TMEM163: variants seen among roughly 807,000 people sequenced by gnomAD.
TMEM163 encodes transmembrane protein 163.
Under a neutral mutation model 29.3 loss-of-function variants are expected in TMEM163, and 17 were observed. The ratio of observed to expected loss-of-function variants is 0.58; its 90% confidence interval spans 0.40 to 0.87. TMEM163 has a LOEUF of 0.87. TMEM163 is among the 40% of genes least tolerant of loss of function. TMEM163 has a pLI of 0.00. For synonymous variants in TMEM163, 157 were observed against 160.6 expected (o/e 0.98, Z 0.17); for missense variants, 303 against 381.5 (o/e 0.79, Z 1.71).
intron 2 of TMEM163, among the ~76,000 whole-genome samples, chr2:134,662,629 A>G (rs1683781344): frequency 6.6e-6 from 1 of 152,130 alleles, no homozygotes; most frequent in African/African-American, 2.4e-5. Flanking sequence ...CTCTCCTTTT[A>G]TCTTTCTCCT....
rs377086139 is a variant in TMEM163, at chr2:134,502,860, C to A, written c.555+41G>T. 186 of 1,584,372 alleles carry A rather than the reference C, an allele frequency of 1.2e-4. 2 individuals are homozygous for A. The South Asian group carries it at 1.9e-3, about 16-fold the overall frequency. On this transcript the variant is annotated intron_variant, in intron 5 of 7. Transcript: ENST00000281924. ...GATAAGAGGCAGCCCAGGGGGCCAGCGCTGGCAGGAAGGATTGTTAAGGAA... is the reference window on the plus strand; with the variant it reads ...GATAAGAGGCAGCCCAGGGGGCCAGAGCTGGCAGGAAGGATTGTTAAGGAA...
chr2:134,570,775 T>C (rs1681403929), intron 2 of TMEM163, among the ~76,000 whole-genome samples: 1 of 152,152 alleles, frequency 6.6e-6, no homozygotes, highest in African/African-American at 2.4e-5. Context: ...CCTGATACTG[T>C]AAGGGCTAGG....
chr2:134,488,307 G>A (rs1026062611), intron 5 of TMEM163, among the ~76,000 whole-genome samples: 2 of 152,204 alleles, frequency 1.3e-5, no homozygotes, highest in Non-Finnish European at 2.9e-5. Context: ...TAACTTTTGA[G>A]TCAGTGGACT....
chr2:134,623,128 A>G (rs1682777335), intron 2 of TMEM163, among the ~76,000 whole-genome samples: 1 of 152,186 alleles, frequency 6.6e-6, no homozygotes, highest in Admixed American at 6.5e-5. Flanking sequence ...CTTCCCTCCC[A>G]TGCTATTTTC....
At chr2:134,586,862 T>A (rs879460928) in intron 2 of TMEM163, among the ~76,000 whole-genome samples, 1 of 152,154 alleles carries the variant, frequency 6.6e-6, no homozygotes, top group Non-Finnish European at 1.5e-5. Context: ...AAGTCAAGCA[T>A]CACCTATATT....
intron 2 of TMEM163, among the ~76,000 whole-genome samples, chr2:134,675,128 A>G (rs1684087699): frequency 6.6e-6 from 1 of 152,216 alleles, no homozygotes; most frequent in African/African-American, 2.4e-5. Context: ...ATTGAATTTT[A>G]CAATATGTAT....
chr2:134,673,619 C>T (rs764492268), intron 2 of TMEM163, among the ~76,000 whole-genome samples: 3 of 152,124 alleles, frequency 2.0e-5, no homozygotes, highest in Non-Finnish European at 4.4e-5. Context: ...TCACAGGGAC[C>T]TTATAAGGGA....
intron 2 of TMEM163, among the ~76,000 whole-genome samples, chr2:134,641,801 T>C (rs1574302373): frequency 1.3e-5 from 2 of 152,182 alleles, no homozygotes; most frequent in East Asian, 1.9e-4. Flanking sequence ...AAGGATTGCA[T>C]TTTTCAAACA....
chr2:134,639,962 T>C (rs960857889), intron 2 of TMEM163, among the ~76,000 whole-genome samples: 1 of 152,176 alleles, frequency 6.6e-6, no homozygotes, highest in African/African-American at 2.4e-5. Context: ...CAATGAGCAC[T>C]TACAATTCAA....
chr2:134,716,189 T>C (rs1685034128), intron 1 of TMEM163, among the ~76,000 whole-genome samples: 1 of 152,164 alleles, frequency 6.6e-6, no homozygotes, highest in African/African-American at 2.4e-5. Context: ...GGAAAATACT[T>C]GTAGGGAGAA....
intron 2 of TMEM163, among the ~76,000 whole-genome samples, chr2:134,708,196 C>A (rs1367058336): frequency 2.0e-5 from 3 of 152,144 alleles, no homozygotes; most frequent in Non-Finnish European, 2.9e-5. Context: ...CAAGGCCAGA[C>A]CTTTAAGGCC....
chr2:134,573,233 T>C (rs1323333679), intron 2 of TMEM163, among the ~76,000 whole-genome samples: 1 of 152,226 alleles, frequency 6.6e-6, no homozygotes, highest in Non-Finnish European at 1.5e-5. Flanking sequence ...CAGATTCTCA[T>C]TGTGCATCAT....
intron 5 of TMEM163, among the ~76,000 whole-genome samples, chr2:134,498,348 T>C (rs893941152): frequency 6.8e-6 from 1 of 146,540 alleles, no homozygotes; most frequent in Non-Finnish European, 1.5e-5. Flanking sequence ...TGCACTTGCA[T>C]GTGGGCTTTT....
At chr2:134,626,278 T>C (rs974795720) in intron 2 of TMEM163, among the ~76,000 whole-genome samples, 2 of 151,988 alleles carry the variant, frequency 1.3e-5, no homozygotes, top group African/African-American at 4.8e-5. Flanking sequence ...CTAATTTTTG[T>C]ATTTTTAGTA....
intron 2 of TMEM163, among the ~76,000 whole-genome samples, chr2:134,575,073 C>T (rs760551004): frequency 5.3e-5 from 8 of 151,908 alleles, no homozygotes; most frequent in Non-Finnish European, 8.8e-5. Flanking sequence ...GACCATGTGG[C>T]GGTCCTGAGC....
intron 2 of TMEM163, among the ~76,000 whole-genome samples, chr2:134,603,853 A>C: frequency 8.4e-5 from 1 of 11,848 alleles, no homozygotes; most frequent in Non-Finnish European, 1.8e-4. Context: ...AGGGGAGGGG[A>C]GGGGAGGGAA....
At chr2:134,495,297 T>C (rs1012317643) in intron 5 of TMEM163, among the ~76,000 whole-genome samples, 10 of 152,086 alleles carry the variant, frequency 6.6e-5, no homozygotes, top group African/African-American at 1.7e-4. Flanking sequence ...AGAGTTAAGG[T>C]TGGCACTCCA....
chr2:134,590,625 TG>T (rs1303661190), intron 2 of TMEM163, among the ~76,000 whole-genome samples: 3 of 152,214 alleles, frequency 2.0e-5, no homozygotes. Context: ...AATAAAAGAA[TG>T]GCTATTCCAT....
At chr2:134,505,022 A>G (rs1436458290) in intron 4 of TMEM163, among the ~76,000 whole-genome samples, 1 of 152,108 alleles carries the variant, frequency 6.6e-6, no homozygotes, top group East Asian at 1.9e-4. Flanking sequence ...ATTCCTCCCT[A>G]TGAGCACATG....
Sources: allele counts gnomAD v4.1 joint callset (sites outside exome capture counted in the v4.1 genomes callset), GRCh38; gene constraint gnomAD v4.1.1; transcripts MANE v1.5; gene names NCBI Gene and HGNC (gene_info 2026-07-23, HGNC 2026-07-21).